DTNA: variants seen among roughly 807,000 people sequenced by gnomAD.
The protein encoded by DTNA is dystrobrevin alpha, also known as dystrophin-related protein 3.
A neutral mutation model predicts 100.7 loss-of-function variants in DTNA; 43 were observed. The ratio of observed to expected loss-of-function variants is 0.43; its 90% confidence interval spans 0.33 to 0.55. The LOEUF is 0.55. Among genes scored for constraint, DTNA ranks in the 20% least tolerant of loss-of-function variants. DTNA has a pLI of 0.04. For synonymous variants in DTNA, 349 were observed against 347.9 expected, an observed-to-expected ratio of 1.00 and a Z score of -0.04; for missense variants, 798 against 953.9, an observed-to-expected ratio of 0.84 and a Z score of 2.15.
At chr18:34,810,281 T>C (rs1426874622) in intron 5 of DTNA, among the ~76,000 whole-genome samples, 2 of 152,324 alleles carry the variant, frequency 1.3e-5, no homozygotes, top group Non-Finnish European at 1.5e-5. Flanking sequence ...CGCACTGACC[T>C]ACTTTAAATT....
intron 1 of DTNA, among the ~76,000 whole-genome samples, chr18:34,703,047 A>G (rs529702020): frequency 6.6e-6 from 1 of 152,324 alleles, no homozygotes; most frequent in East Asian, 1.9e-4. Flanking sequence ...GAAACAGATA[A>G]AATAGTCTTT....
intron 18 of DTNA, among the ~76,000 whole-genome samples, 166 bp from the exon 19 acceptor site, chr18:34,877,553 G>A (rs1356239306): frequency 6.6e-6 from 1 of 152,164 alleles, no homozygotes; most frequent in Non-Finnish European, 1.5e-5. Flanking sequence ...GTGTTTTGTT[G>A]TTGTTGTTGT....
chr18:34,768,604 T>C (rs1250188189), intron 3 of DTNA, among the ~76,000 whole-genome samples: 2 of 152,196 alleles, frequency 1.3e-5, no homozygotes, highest in African/African-American at 4.8e-5. Context: ...GCATCCAGAA[T>C]TGTCTTGGAA....
At chr18:34,698,096 C>T (rs1453129132) in intron 1 of DTNA, among the ~76,000 whole-genome samples, 1 of 152,190 alleles carries the variant, frequency 6.6e-6, no homozygotes, top group Non-Finnish European at 1.5e-5. Context: ...CCTTTTCAGG[C>T]TCTTGTTGGG....
At chr18:34,862,094 T>G (rs1159552374) in intron 16 of DTNA, among the ~76,000 whole-genome samples, 4 of 143,460 alleles carry the variant, frequency 2.8e-5, no homozygotes, top group Non-Finnish European at 4.5e-5. Flanking sequence ...CTACTGTGGA[T>G]GTACCTGGAA....
chr18:34,888,230 TGAG>T lies in DTNA; in HGVS notation c.*497_*499del. 1 of 985,882 alleles carries T rather than the reference TGAG, an allele frequency of 1.0e-6. No individual in the cohort carries two copies. Among genetic ancestry groups the T allele is most frequent in the African/African-American group, 1.7e-5 (1 of 57,370 alleles). 61.1% of individuals were successfully genotyped at this position (985,882 alleles called of 1,614,324 possible). A position where few individuals can be genotyped will look rare whatever the true frequency, so the allele number is the denominator to read the frequency against. ...CTAGAAGTTTGATTTCTGAATTCTT[TGAG>T]ATTTTAGCAAAACAGTTTATTATAC... On this transcript the variant is annotated 3_prime_UTR_variant, in exon 23 of 23. Coordinates refer to ENST00000444659, the MANE Select transcript of DTNA (RefSeq NM_001386795.1).
At chr18:34,575,949 A>G (rs778696699) in intron 1 of DTNA, among the ~76,000 whole-genome samples, 14 of 152,216 alleles carry the variant, frequency 9.2e-5, no homozygotes, top group Admixed American at 3.9e-4. Context: ...AGACATTTCC[A>G]GTGCTTAATG....
At chr18:34,867,423 A>G (rs2096717350) in intron 17 of DTNA, 15 of 1,227,150 alleles carry the variant, frequency 1.2e-5, no homozygotes, top group Non-Finnish European at 1.4e-5. Flanking sequence ...AGGACACATA[A>G]CACATACAGC....
intron 1 of DTNA, among the ~76,000 whole-genome samples, chr18:34,624,859 T>G (rs1423332473): frequency 6.6e-6 from 1 of 152,066 alleles, no homozygotes; most frequent in East Asian, 1.9e-4. Flanking sequence ...TGGGGACACT[T>G]TTTTTCATTT....
chr18:34,667,883 C>G (rs1350681453), intron 1 of DTNA, among the ~76,000 whole-genome samples: 1 of 152,046 alleles, frequency 6.6e-6, no homozygotes, highest in Non-Finnish European at 1.5e-5. Flanking sequence ...GTCTAAAATT[C>G]TCTTTTTTTT....
chr18:34,549,954 G>T (rs925984853), intron 1 of DTNA, among the ~76,000 whole-genome samples: 2 of 151,960 alleles, frequency 1.3e-5, no homozygotes, highest in African/African-American at 4.8e-5. Context: ...ATTAAAAAAA[G>T]ATTTAGAGTA....
At chr18:34,764,309 T>A (rs967459082) in intron 2 of DTNA, among the ~76,000 whole-genome samples, 3 of 152,308 alleles carry the variant, frequency 2.0e-5, no homozygotes, top group African/African-American at 7.2e-5. Context: ...AAGGAAAAAC[T>A]TGGTGAAACT....
intron 1 of DTNA, among the ~76,000 whole-genome samples, chr18:34,531,309 C>T (rs747971312): frequency 6.6e-6 from 1 of 152,232 alleles, no homozygotes; most frequent in East Asian, 1.9e-4. Context: ...CTTTCACTAG[C>T]TGGCTGTGTG....
intron 1 of DTNA, among the ~76,000 whole-genome samples, chr18:34,615,444 C>T (rs2055069993): frequency 6.6e-6 from 1 of 152,140 alleles, no homozygotes; most frequent in African/African-American, 2.4e-5. Flanking sequence ...TAACCTTCAG[C>T]AACTATTACC....
chr18:34,675,818 C>T (rs2077331904), intron 1 of DTNA, among the ~76,000 whole-genome samples: 1 of 152,116 alleles, frequency 6.6e-6, no homozygotes, highest in African/African-American at 2.4e-5. Context: ...AATATTACTG[C>T]AGGCATACTA....
At chr18:34,716,313 A>G (rs537942945) in intron 1 of DTNA, among the ~76,000 whole-genome samples, 5 of 152,090 alleles carry the variant, frequency 3.3e-5, no homozygotes, top group Non-Finnish European at 7.4e-5. Flanking sequence ...TGTTATCCCA[A>G]CACTTTGGGA....
chr18:34,577,363 A>AT (rs555610512), intron 1 of DTNA, among the ~76,000 whole-genome samples: 1,877 of 152,244 alleles, frequency 0.012, 34 homozygotes, highest in African/African-American at 0.041. Flanking sequence ...TATTTAAAGC[A>AT]TTTTTTATAT....
In DTNA at chr18:34,890,957, C is replaced by T. The variant is rs2096961687; in HGVS notation, c.*3223C>T. The T allele has an allele frequency of 6.5e-6, 1 of 152,838 alleles. No individual in the cohort carries two copies. Among genetic ancestry groups the T allele is most frequent in the Admixed American group, 6.5e-5 (1 of 15,304 alleles). 9.5% of individuals were successfully genotyped at this position (152,838 alleles called of 1,614,324 possible). A position where few individuals can be genotyped will look rare whatever the true frequency, so the allele number is the denominator to read the frequency against. ...TCTTGGCTGTTAACCGTAGATAGATCTTGTAAATCCAGCAACCTTTGGTTG... is the reference window on the plus strand; with the variant it reads ...TCTTGGCTGTTAACCGTAGATAGATTTTGTAAATCCAGCAACCTTTGGTTG... On this transcript the variant is annotated 3_prime_UTR_variant, in exon 23 of 23. Transcript: ENST00000444659.
At chr18:34,660,172 G>A (rs2074985035) in intron 1 of DTNA, among the ~76,000 whole-genome samples, 1 of 152,044 alleles carries the variant, frequency 6.6e-6, no homozygotes, top group Non-Finnish European at 1.5e-5. Context: ...TCCAAATGAA[G>A]CAAAGCTGTG....
Sources: gnomAD v4.1 joint callset for allele counts (sites outside exome capture counted in the v4.1 genomes callset) on GRCh38, gnomAD v4.1.1 for gene constraint, MANE v1.5 for transcripts, NCBI Gene and HGNC (gene_info 2026-07-23, HGNC 2026-07-21) for gene names.